TPTE: variants seen among roughly 807,000 people sequenced by gnomAD.
The protein encoded by TPTE is transmembrane phosphatase with tensin homology, also known as putative tyrosine-protein phosphatase TPTE.
Under a neutral mutation model 84.1 loss-of-function variants are expected in TPTE, and 59 were observed. The observed-to-expected ratio is 0.70, with a 90% CI of 0.57 to 0.87. TPTE has a LOEUF of 0.87. Ranked by LOEUF, TPTE falls within the 40% of genes least tolerant of loss-of-function variation. The pLI, the probability that TPTE is intolerant of heterozygous loss-of-function variation, is 0.00. For synonymous variants in TPTE, 130 were observed against 223.5 expected (o/e 0.58, Z 3.73); for missense variants, 382 against 659.6 (o/e 0.58, Z 4.61).
At chr21:10,534,108 A>G (rs2074227243) in intron 3 of TPTE, among the ~76,000 whole-genome samples, 1 of 152,308 alleles carries the variant, frequency 6.6e-6, no homozygotes, top group Admixed American at 6.5e-5. Flanking sequence ...TAGTTTACAC[A>G]CTAGGTTAGC....
intron 7 of TPTE, among the ~76,000 whole-genome samples, chr21:10,549,632 TAACAC>T (rs1430704176): frequency 8.5e-5 from 13 of 152,354 alleles, no homozygotes; most frequent in Non-Finnish European, 1.6e-4. Context: ...TCTTTTGAAA[TAACAC>T]AGACAGGCAA....
At chr21:10,528,238 A>G (rs1308624834) in intron 3 of TPTE, among the ~76,000 whole-genome samples, 5 of 152,270 alleles carry the variant, frequency 3.3e-5, no homozygotes, top group African/African-American at 1.2e-4. Flanking sequence ...GTTGTTTCTT[A>G]CTATTTACCT....
chr21:10,563,307 C>T (rs1473524321), intron 10 of TPTE, among the ~76,000 whole-genome samples: 1 of 152,296 alleles, frequency 6.6e-6, no homozygotes, highest in Non-Finnish European at 1.5e-5. Flanking sequence ...AAGTAACAAC[C>T]TGAAGGTATA....
chr21:10,537,557 A>G (rs1462552903), intron 3 of TPTE, among the ~76,000 whole-genome samples: 2 of 152,422 alleles, frequency 1.3e-5, no homozygotes, highest in East Asian at 1.9e-4. Flanking sequence ...GGGTGCCTGT[A>G]GTCCCAGCTA....
rs1185873067 is a variant in TPTE at position 10,549,361 on chromosome 21, T to C, written c.174-3296T>C. On this transcript the variant is annotated intron_variant, in intron 7 of 23. Coordinates refer to ENST00000618007, the MANE Select transcript of TPTE (RefSeq NM_199261.4). ...ACAAAGGGAAATAATAATTATCCAG[T>C]AATAGAACCTAATCATAAACATATG... Among the ~76,000 whole-genome samples the C allele has an allele frequency of 1.2e-4, 18 of 152,402 alleles. No individual in the cohort carries two copies. The South Asian group carries it at 1.9e-3, about 16-fold the overall frequency.
rs1165322570 is a variant in TPTE, at chr21:10,538,680, G to C, written c.-43-1G>C. 3.7e-6 allele frequency: 6 copies of C among 1,613,944 alleles called. No individual in the cohort carries two copies. The highest frequency in any genetic ancestry group is 5.1e-6 in the Non-Finnish European group (6 of 1,179,878). On this transcript the variant is annotated splice_acceptor_variant, in intron 3 of 23. Transcript: ENST00000618007. LOFTEE classifies it low-confidence loss of function (5UTR_SPLICE). ...GACTATATTCTTTTGACATCCTCTA[G>C]TCCACCCACAAATGAATTATCAGGA...
intron 17 of TPTE, among the ~76,000 whole-genome samples, chr21:10,582,285 CT>C (rs1268698008): frequency 2.0e-5 from 3 of 152,306 alleles, no homozygotes; most frequent in African/African-American, 7.2e-5. Context: ...CTGTTTTGTT[CT>C]CCATTAATTT....
chr21:10,589,343 C>A (rs1483446511), intron 17 of TPTE, among the ~76,000 whole-genome samples: 1 of 152,296 alleles, frequency 6.6e-6, no homozygotes, highest in Non-Finnish European at 1.5e-5. Context: ...TAGATGGCGC[C>A]ATGGGTAAGA....
At chr21:10,529,924 TAA>T (rs1555885548) in intron 3 of TPTE, among the ~76,000 whole-genome samples, 5,671 of 148,554 alleles carry the variant, frequency 0.038, 1 homozygote, top group Middle Eastern at 0.083. Flanking sequence ...ATTTTTTTTT[TAA>T]AAAAAGTAGT....
chr21:10,538,371 C>T (rs1040563901), intron 3 of TPTE, among the ~76,000 whole-genome samples: 1 of 152,308 alleles, frequency 6.6e-6, no homozygotes, highest in Non-Finnish European at 1.5e-5. Flanking sequence ...GGCTGACTAC[C>T]TCCACACAAA....
At chr21:10,560,032 C>G (rs1388118853) in intron 9 of TPTE, among the ~76,000 whole-genome samples, 1 of 152,294 alleles carries the variant, frequency 6.6e-6, no homozygotes, top group African/African-American at 2.4e-5. Context: ...AGCCATGTGC[C>G]CCATCTAATG....
At chr21:10,548,714 G>A (rs1402441081) in intron 7 of TPTE, among the ~76,000 whole-genome samples, 2 of 152,296 alleles carry the variant, frequency 1.3e-5, no homozygotes, top group Admixed American at 6.5e-5. Context: ...TATATATTTG[G>A]TCCATGAGTT....
At chr21:10,553,843 A>G (rs1373133003) in intron 8 of TPTE, among the ~76,000 whole-genome samples, 1 of 152,312 alleles carries the variant, frequency 6.6e-6, no homozygotes, top group East Asian at 1.9e-4. Flanking sequence ...CTATAATGCA[A>G]TCCATGTACT....
chr21:10,566,116 A>G (rs1423910626), intron 10 of TPTE, among the ~76,000 whole-genome samples: 1 of 152,310 alleles, frequency 6.6e-6, no homozygotes, highest in Non-Finnish European at 1.5e-5. Context: ...CCATCTGAAA[A>G]GGGATTAATA....
intron 21 of TPTE, among the ~76,000 whole-genome samples, chr21:10,598,637 G>A (rs1268882659): frequency 1.3e-5 from 2 of 152,424 alleles, no homozygotes; most frequent in South Asian, 2.1e-4. Flanking sequence ...GACCCTGTGA[G>A]AAACAATGCA....
chr21:10,536,168 C>T (rs1377474851), intron 3 of TPTE, among the ~76,000 whole-genome samples: 4 of 152,310 alleles, frequency 2.6e-5, no homozygotes, highest in African/African-American at 4.8e-5. Context: ...ATCCCATCTA[C>T]TCAGGAGGCT....
At chr21:10,544,532 G>T (rs2074430260) in intron 7 of TPTE, among the ~76,000 whole-genome samples, 1 of 152,308 alleles carries the variant, frequency 6.6e-6, no homozygotes, top group African/African-American at 2.4e-5. Context: ...CTGCAGTCAT[G>T]TGCCACCATG....
intron 10 of TPTE, among the ~76,000 whole-genome samples, chr21:10,566,991 A>AC (rs987922014): frequency 6.6e-6 from 1 of 152,286 alleles, no homozygotes; most frequent in Non-Finnish European, 1.5e-5. Context: ...AAAAAAAAAA[A>AC]AAAATACTGT....
At chr21:10,573,106 C>T (rs1364407568) in intron 14 of TPTE, among the ~76,000 whole-genome samples, 1 of 150,704 alleles carries the variant, frequency 6.6e-6, no homozygotes, top group African/African-American at 2.4e-5. Flanking sequence ...AAGAAACTAA[C>T]TTCACCTGTA....
Sources: gnomAD v4.1 joint callset for allele counts (sites outside exome capture counted in the v4.1 genomes callset) on GRCh38, gnomAD v4.1.1 for gene constraint, MANE v1.5 for transcripts, NCBI Gene and HGNC (gene_info 2026-07-23, HGNC 2026-07-21) for gene names.